Variants in PDLIM3 observed in about 807,000 individuals in gnomAD.
PDLIM3 encodes PDZ and LIM domain 3.
A neutral mutation model predicts 37.3 loss-of-function variants in PDLIM3; 36 were observed. The observed-to-expected ratio is 0.97, with a 90% CI of 0.74 to 1.28. The LOEUF is 1.28. Among genes scored for constraint, PDLIM3 ranks in the 50% most tolerant of loss-of-function variants. The pLI is 0.00. For synonymous variants in PDLIM3, 174 were observed against 182.4 expected, an observed-to-expected ratio of 0.95 and a Z score of 0.37; for missense variants, 454 against 485.0, an observed-to-expected ratio of 0.94 and a Z score of 0.60.
chr4:185,504,537 G>T lies in PDLIM3; in HGVS notation c.843C>A (p.Val281=), dbSNP rs1463970960. 2 of 1,614,040 alleles carry T rather than the reference G, an allele frequency of 1.2e-6. No individual in the cohort carries two copies. Among genetic ancestry groups the T allele is most frequent in the African/African-American group, 2.7e-5 (2 of 74,922 alleles). ...TCTGTGCCCCGCCTGAACCGCCATG[G>T]ACTTTCGTCACCGGAGCTCTCACAC... The part of the protein sequence containing the change: ...TRSVRAPVTK[V]HGGSGGAQRM... The change falls in exon 7 of 8, where the codon GTC becomes GTA. Residue 281 remains valine (V), a synonymous_variant. Transcript: ENST00000284767. The surrounding 1 kb of genome is among the most constrained non-coding windows in gnomAD (Gnocchi z 4.7).
At chr4:185,519,825 G>A (rs1162016161) in intron 3 of PDLIM3, among the ~76,000 whole-genome samples, 1 of 152,076 alleles carries the variant, frequency 6.6e-6, no homozygotes, top group Non-Finnish European at 1.5e-5. Context: ...AGTTTGACTT[G>A]GGTTGAGAAA....
intron 4 of PDLIM3, among the ~76,000 whole-genome samples, chr4:185,510,851 G>C (rs1167009820): frequency 6.6e-6 from 1 of 152,064 alleles, no homozygotes; most frequent in Non-Finnish European, 1.5e-5. Context: ...TAAATTTCTG[G>C]GCCAATTTAA....
chr4:185,523,618 C>CT (rs1482764374), intron 2 of PDLIM3, among the ~76,000 whole-genome samples, 172 bp from the exon 3 acceptor site: 1 of 149,480 alleles, frequency 6.7e-6, no homozygotes, highest in Non-Finnish European at 1.5e-5. Flanking sequence ...TTAGTCTTCC[C>CT]CCCCCCTTTT....
intron 1 of PDLIM3, among the ~76,000 whole-genome samples, chr4:185,533,664 G>A (rs908665898): frequency 2.0e-4 from 30 of 152,086 alleles, no homozygotes; most frequent in African/African-American, 7.2e-4. Context: ...AATAATAACT[G>A]CCATTATATC....
intron 3 of PDLIM3, chr4:185,523,047 T>TG (rs2095725165): frequency 3.4e-6 from 1 of 294,838 alleles, no homozygotes; most frequent in African/African-American, 2.2e-5. Flanking sequence ...TTAAACTCCT[T>TG]AGATTACCTC....
Position 185,502,413 on chromosome 4 carries a change from T to C in PDLIM3, c.976A>G (p.Asn326Asp). 1 of 1,614,206 alleles carries C rather than the reference T, an allele frequency of 6.2e-7. No individual in the cohort carries two copies. Among genetic ancestry groups the C allele is most frequent in the Non-Finnish European group, 8.5e-7 (1 of 1,180,036 alleles). Residue 326 changes from asparagine to aspartate, a missense_variant, in exon 8 of 8, where the codon AAC becomes GAC. Coordinates refer to ENST00000284767, the MANE Select transcript of PDLIM3 (RefSeq NM_014476.6). ...AAGAAGTAGCCCTTTTGCTTGAGGT[T>C]GAGGTTGCAGTCGGCACACACGAAG... The part of the protein sequence containing the change: ...ECFVCADCNL[N>D]LKQKGYFFIE...
At chr4:185,508,860 T>C (rs1410182108) in intron 4 of PDLIM3, among the ~76,000 whole-genome samples, 1 of 152,188 alleles carries the variant, frequency 6.6e-6, no homozygotes, top group Non-Finnish European at 1.5e-5. Context: ...TGTAGAAAAG[T>C]TGTATATGAA....
intron 4 of PDLIM3, among the ~76,000 whole-genome samples, chr4:185,508,888 A>G (rs2095702384): frequency 6.6e-6 from 1 of 152,262 alleles, no homozygotes; most frequent in Non-Finnish European, 1.5e-5. Context: ...AGATGCAGCT[A>G]TCCTCACTTT....
intron 4 of PDLIM3, among the ~76,000 whole-genome samples, chr4:185,511,125 C>A (rs2153334033): frequency 6.6e-6 from 1 of 152,308 alleles, no homozygotes; most frequent in South Asian, 2.1e-4. Flanking sequence ...CATTTTGGGG[C>A]ATACTTCCGG....
chr4:185,526,862 T>A (rs955728235), intron 1 of PDLIM3, among the ~76,000 whole-genome samples: 1 of 152,226 alleles, frequency 6.6e-6, no homozygotes, highest in South Asian at 2.1e-4. Context: ...TAGGTTCAAA[T>A]GCTGCACTCT....
At position 185,514,828 on chromosome 4, in the gene PDLIM3, G is replaced by A; in HGVS notation, c.331-491C>T. On this transcript the variant is annotated intron_variant, in intron 3 of 7. Coordinates refer to ENST00000284767, the MANE Select transcript of PDLIM3 (RefSeq NM_014476.6). The surrounding 1 kb of genome is among the most constrained non-coding windows in gnomAD (Gnocchi z 4.0). ...TCACTACCTGTCTTTTGTCATCAAT[G>A]TTTGCAGCTGCAACAAAAGGCTGGG... 1.3e-6 allele frequency: 2 copies of A among 1,551,724 alleles called. No homozygotes were observed. The highest frequency in any genetic ancestry group is 1.7e-6 in the Non-Finnish European group (2 of 1,146,998).
chr4:185,514,403 C>T lies in PDLIM3; in HGVS notation c.331-66G>A, dbSNP rs1032408854. On this transcript the variant is annotated intron_variant, in intron 3 of 7. Transcript: ENST00000284767. This position sits in a 1 kb window ranked among gnomAD's most constrained non-coding sequence, Gnocchi z 4.0. ...GGACACTGTTGCAGATAAGATTAAA[C>T]GAACGATAGTTGTACAGGGAGGATC... The T allele has an allele frequency of 1.9e-6, 3 of 1,613,914 alleles. No individual in the cohort carries two copies. The highest frequency in any genetic ancestry group is 2.2e-5 in the South Asian group (2 of 91,012).
chr4:185,509,611 C>T (rs1042987313), intron 4 of PDLIM3, among the ~76,000 whole-genome samples: 1 of 152,082 alleles, frequency 6.6e-6, no homozygotes, highest in Non-Finnish European at 1.5e-5. Flanking sequence ...GTAAAAAAAG[C>T]ATAGTCATTT....
At chr4:185,523,546 C>A in intron 2 of PDLIM3, 100 bp from the exon 3 acceptor site, 1 of 710,552 alleles carries the variant, frequency 1.4e-6, no homozygotes, top group African/African-American at 1.8e-5. Context: ...ACTAGCAAAC[C>A]TCACTAACTT....
chr4:185,514,539 CACA>C lies in PDLIM3; in HGVS notation c.331-205_331-203del. The C allele has an allele frequency of 7.9e-7, 1 of 1,259,754 alleles. No homozygotes were observed. The highest frequency in any genetic ancestry group is 1.4e-5 in the South Asian group (1 of 70,744). The allele number at this position is 1,259,754 out of a possible 1,614,324, so 78.0% of individuals were successfully genotyped here. A position where few individuals can be genotyped will look rare whatever the true frequency, so the allele number is the denominator to read the frequency against. On this transcript the variant is annotated intron_variant, in intron 3 of 7. Transcript: ENST00000284767. The surrounding 1 kb of genome is among the most constrained non-coding windows in gnomAD (Gnocchi z 4.0). ...GGTCAGGCACTGGCGGATTGGACCCCACAACAATTAGAACATGTTTTAGATGCT... is the reference window on the plus strand; with the variant it reads ...GGTCAGGCACTGGCGGATTGGACCCCACAATTAGAACATGTTTTAGATGCT...
At chr4:185,513,246 T>C in intron 4 of PDLIM3, 1 of 985,444 alleles carries the variant, frequency 1.0e-6, no homozygotes, top group Non-Finnish European at 1.2e-6. Flanking sequence ...CCAGGGCTCC[T>C]TTCTGGATCT....
chr4:185,514,868 G>C lies in PDLIM3; in HGVS notation c.331-531C>G. On this transcript the variant is annotated intron_variant, in intron 3 of 7. Transcript: ENST00000284767. This position sits in a 1 kb window ranked among gnomAD's most constrained non-coding sequence, Gnocchi z 4.0. Reference sequence around the variant, plus strand: ...AAAAGGCTGGGCCCTTCTGTTGTGCGCGGTACCAATGGGTTTGAATTCCTG... The same window carrying C: ...AAAAGGCTGGGCCCTTCTGTTGTGCCCGGTACCAATGGGTTTGAATTCCTG... 6.4e-7 allele frequency: 1 copy of C among 1,551,454 alleles called. No homozygotes were observed.
intron 1 of PDLIM3, among the ~76,000 whole-genome samples, chr4:185,531,675 C>T (rs1164769250): frequency 6.6e-6 from 1 of 152,032 alleles, no homozygotes; most frequent in African/African-American, 2.4e-5. Context: ...AAGGGTATAG[C>T]TTGTAGGAGG....
In PDLIM3 at chr4:185,523,450, G is replaced by GAAATA. The variant is rs765292127; in HGVS notation, c.246-9_246-5dup. Reference sequence around the variant, plus strand: ...AGACCATAAGTGAGTTTCTCCCCTGGAAATAAAATAAAATTTGTAAACTTC... The same window carrying GAAATA: ...AGACCATAAGTGAGTTTCTCCCCTGGAAATAAAATAAAATAAAATTTGTAAACTTC... On this transcript the variant is annotated splice_region_variant and splice_polypyrimidine_tract_variant and intron_variant, in intron 2 of 7. Transcript: ENST00000284767. 1 of 1,572,502 alleles carries GAAATA rather than the reference G, an allele frequency of 6.4e-7. No homozygotes were observed. Among genetic ancestry groups the GAAATA allele is most frequent in the East Asian group, 2.2e-5 (1 of 44,628 alleles).
Sources: gnomAD v4.1 joint callset for allele counts (sites outside exome capture counted in the v4.1 genomes callset) on GRCh38, gnomAD v4.1.1 for gene constraint, Gnocchi (gnomAD v3.1) non-coding constraint, MANE v1.5 for transcripts, NCBI Gene and HGNC (gene_info 2026-07-23, HGNC 2026-07-21) for gene names.